SLC26A8: variants seen among roughly 807,000 people sequenced by gnomAD.
SLC26A8 encodes the protein solute carrier family 26 member 8.
A neutral mutation model predicts 105.0 loss-of-function variants in SLC26A8; 70 were observed. That is an observed-to-expected ratio of 0.67 (90% CI 0.55 to 0.81). SLC26A8 has a LOEUF of 0.81. SLC26A8 is among the 40% of genes least tolerant of loss of function. The probability of loss-of-function intolerance (pLI) is 0.00; values close to 1 mark genes in which losing one functional copy is unlikely to be tolerated. For missense variants in SLC26A8, 998 were observed against 1,181.8 expected, an observed-to-expected ratio of 0.84 and a Z score of 2.28; for synonymous variants, 415 against 438.3, an observed-to-expected ratio of 0.95 and a Z score of 0.66.
rs76804190 is a variant in SLC26A8 at position 35,968,842 on chromosome 6, G to A, written c.1365+35C>T. The A allele has an allele frequency of 2.8e-3, 4,181 of 1,490,386 alleles. 104 individuals carry two copies. The African/African-American group carries it at 0.055, about 19-fold the overall frequency. The allele number at this position is 1,490,386 out of a possible 1,614,324, so 92.3% of individuals were successfully genotyped here. ...CAAGGAGCAATCCAGAGCCCTGGTCGTTGTTGACTTAGTTATTTGATCAGT... is the reference window on the plus strand; with the variant it reads ...CAAGGAGCAATCCAGAGCCCTGGTCATTGTTGACTTAGTTATTTGATCAGT... On this transcript the variant is annotated intron_variant, in intron 11 of 19. Transcript: ENST00000490799.
At chr6:36,024,458 G>A in intron 1 of SLC26A8, 46 bp downstream of exon 1, 1 of 449,748 alleles carries the variant, frequency 2.2e-6, no homozygotes. Flanking sequence ...CCCCGCCCTG[G>A]GACCTGCAGC....
chr6:36,023,649 T>C (rs898596970), intron 1 of SLC26A8, among the ~76,000 whole-genome samples: 12 of 152,112 alleles, frequency 7.9e-5, no homozygotes, highest in African/African-American at 2.7e-4. Context: ...GCTAGTTTAG[T>C]TGCAGGAATA....
intron 9 of SLC26A8, among the ~76,000 whole-genome samples, chr6:35,975,738 AC>A (rs1253952617): frequency 6.6e-6 from 1 of 151,538 alleles, no homozygotes; most frequent in Non-Finnish European, 1.5e-5. Context: ...ACATGGAGAA[AC>A]CCTGTCTCTA....
intron 19 of SLC26A8, among the ~76,000 whole-genome samples, chr6:35,946,890 A>G (rs1168421049): frequency 2.0e-5 from 3 of 151,742 alleles, no homozygotes; most frequent in African/African-American, 4.8e-5. Flanking sequence ...GAGTCTCACT[A>G]TGTTGTCCAG....
At chr6:35,992,797 C>G in intron 5 of SLC26A8, 123 bp from the exon 6 acceptor site, 1 of 944,072 alleles carries the variant, frequency 1.1e-6, no homozygotes. Flanking sequence ...TTTGGTAACT[C>G]TTGTAACTCT....
At chr6:36,013,346 G>A (rs7765958) in intron 2 of SLC26A8, among the ~76,000 whole-genome samples, 43,467 of 151,864 alleles carry the variant, frequency 0.29, 6,693 homozygotes, top group African/African-American at 0.42. Context: ...ACAGGCATGC[G>A]CCACCATGCC....
chr6:35,969,281 T>C lies in SLC26A8; in HGVS notation c.1288-327A>G, dbSNP rs899144360. 6.1e-5 allele frequency: 17 copies of C among 277,742 alleles called. No individual in the cohort carries two copies. In the East Asian group the frequency reaches 1.4e-3, roughly 22 times the overall value. The allele number at this position is 277,742 out of a possible 1,614,324, so 17.2% of individuals were successfully genotyped here. A position where few individuals can be genotyped will look rare whatever the true frequency, so the allele number is the denominator to read the frequency against. On this transcript the variant is annotated intron_variant, in intron 10 of 19. Transcript: ENST00000490799. Reference sequence around the variant, plus strand: ...ATCTGATTTGCATCTCCTCCTAAGTTTAACCTCTCCTTGCACAATTTAGAA... The same window carrying C: ...ATCTGATTTGCATCTCCTCCTAAGTCTAACCTCTCCTTGCACAATTTAGAA...
intron 10 of SLC26A8, 32 bp from the exon 11 acceptor site, chr6:35,968,986 A>G: frequency 1.3e-6 from 2 of 1,598,238 alleles, no homozygotes; most frequent in Non-Finnish European, 1.7e-6. Flanking sequence ...GAGAGAAACC[A>G]TCAGGAACGT....
At chr6:35,959,034 T>C (rs914570545) in intron 16 of SLC26A8, among the ~76,000 whole-genome samples, 2 of 152,228 alleles carry the variant, frequency 1.3e-5, no homozygotes, top group African/African-American at 4.8e-5. Flanking sequence ...CAGGAGACCC[T>C]GGCAGATCCT....
intron 12 of SLC26A8, 94 bp from the exon 13 acceptor site, chr6:35,961,193 C>T (rs1332932890): frequency 1.4e-5 from 13 of 953,726 alleles, no homozygotes. Flanking sequence ...TTCACCCTCT[C>T]CCTTACTACA....
At chr6:35,995,997 C>T (rs1256276032) in intron 5 of SLC26A8, among the ~76,000 whole-genome samples, 1 of 152,156 alleles carries the variant, frequency 6.6e-6, no homozygotes, top group Non-Finnish European at 1.5e-5. Flanking sequence ...AAATTCATTT[C>T]TCTGTGCCCA....
chr6:35,966,001 C>CAAAAA (rs67198897), intron 11 of SLC26A8, among the ~76,000 whole-genome samples: 1 of 95,710 alleles, frequency 1.0e-5, no homozygotes, highest in Non-Finnish European at 2.2e-5. Flanking sequence ...ACTCTCATCT[C>CAAAAA]AAAAAAAAAA....
At chr6:35,947,945 G>C (rs1001522324) in intron 19 of SLC26A8, among the ~76,000 whole-genome samples, 1 of 152,002 alleles carries the variant, frequency 6.6e-6, no homozygotes, top group Middle Eastern at 3.4e-3. Context: ...AAACAAAAAA[G>C]TAAAACATAT....
intron 3 of SLC26A8, among the ~76,000 whole-genome samples, chr6:36,003,106 G>C (rs976324411): frequency 2.6e-5 from 4 of 152,056 alleles, no homozygotes; most frequent in Admixed American, 6.6e-5. Context: ...TTTGCTTTTG[G>C]TGTCTTACTT....
intron 3 of SLC26A8, among the ~76,000 whole-genome samples, chr6:36,008,869 A>G (rs1284303487): frequency 2.0e-5 from 3 of 152,240 alleles, no homozygotes; most frequent in African/African-American, 7.2e-5. Flanking sequence ...TAGTGACAAC[A>G]GCAAATGTTG....
At chr6:35,983,747 G>T (rs1773374648) in intron 7 of SLC26A8, among the ~76,000 whole-genome samples, 1 of 151,844 alleles carries the variant, frequency 6.6e-6, no homozygotes, top group South Asian at 2.1e-4. Context: ...TAGAGATGGG[G>T]TTTTGCCAAG....
intron 19 of SLC26A8, among the ~76,000 whole-genome samples, chr6:35,944,928 C>T (rs1745594656): frequency 6.6e-6 from 1 of 152,140 alleles, no homozygotes; most frequent in Admixed American, 6.6e-5. Context: ...TGGCTCACTG[C>T]AACCTCTACT....
intron 3 of SLC26A8, among the ~76,000 whole-genome samples, chr6:36,004,795 C>G (rs1055301435): frequency 1.3e-5 from 2 of 150,204 alleles, no homozygotes; most frequent in African/African-American, 4.9e-5. Flanking sequence ...GGACTACAGG[C>G]GCTTGCACCA....
intron 9 of SLC26A8, among the ~76,000 whole-genome samples, chr6:35,975,913 CAAAAAAAAAAAAA>C (rs34783824): frequency 1.2e-5 from 1 of 81,070 alleles, no homozygotes; most frequent in Non-Finnish European, 2.3e-5. Flanking sequence ...AACTCCATCT[CAAAAAAAAAAAAA>C]AAAAAAAAAT....
Sources: allele counts gnomAD v4.1 joint callset (sites outside exome capture counted in the v4.1 genomes callset), GRCh38; gene constraint gnomAD v4.1.1; transcripts MANE v1.5; gene names NCBI Gene and HGNC (gene_info 2026-07-23, HGNC 2026-07-21).